The following SMOC2 variants were observed in gnomAD, a reference collection of about 807,000 sequenced individuals.
SMOC2 encodes SPARC-related modular calcium-binding protein 2.
SMOC2 carries 39 observed loss-of-function variants against 61.4 expected under a neutral mutation model. The ratio of observed to expected loss-of-function variants is 0.64; its 90% CI spans 0.49 to 0.83. The LOEUF (loss-of-function observed/expected upper bound fraction) is 0.83, where lower values mean the gene tolerates loss of function less well. Ranked by LOEUF, SMOC2 falls within the 40% of genes least tolerant of loss-of-function variation. SMOC2 has a pLI of 0.00. For synonymous variants in SMOC2, 247 were observed against 239.9 expected (o/e 1.03, Z -0.27); for missense variants, 556 against 592.9 (o/e 0.94, Z 0.65).
intron 1 of SMOC2, among the ~76,000 whole-genome samples, chr6:168,471,219 C>T (rs904138596): frequency 1.9e-4 from 29 of 152,156 alleles, no homozygotes; most frequent in African/African-American, 6.5e-4. Flanking sequence ...CCGTTTATCT[C>T]AGCCCAGCCC....
rs1029576998 is a variant in SMOC2, at chr6:168,475,412, G to A, written c.84+33958G>A. ...AGGCACAGGTGGAAACACGTGGTGC[G>A]TACAACCTTGCTCAATCCCTCCCCC... On this transcript the variant is annotated intron_variant, in intron 1 of 12. Coordinates refer to ENST00000356284, the MANE Select transcript of SMOC2 (RefSeq NM_001166412.2). The surrounding 1 kb of genome is among the most constrained non-coding windows in gnomAD (Gnocchi z 4.6). Among the ~76,000 whole-genome samples, 1 of 152,122 alleles carries A rather than the reference G, an allele frequency of 6.6e-6. No individual in the cohort carries two copies. The highest frequency in any genetic ancestry group is 1.5e-5 in the Non-Finnish European group (1 of 68,008).
At chr6:168,641,809 A>C (rs920201475) in intron 9 of SMOC2, among the ~76,000 whole-genome samples, 1 of 152,200 alleles carries the variant, frequency 6.6e-6, no homozygotes, top group South Asian at 2.1e-4. Flanking sequence ...CTGACTTCTA[A>C]CCAAGTGCCC....
At chr6:168,615,283 T>G (rs4994214) in intron 9 of SMOC2, among the ~76,000 whole-genome samples, 3 of 19,126 alleles carry the variant, frequency 1.6e-4, no homozygotes, top group Admixed American at 5.5e-4. Context: ...ACAGCCAGCA[T>G]GGGGCCTCTT....
At position 168,549,150 on chromosome 6, in the gene SMOC2, C is replaced by A; in HGVS notation, c.584C>A (p.Thr195Asn). Reference protein sequence around the residue: ...DEEDIASRYPTLWTEQVKSRQ... With the variant: ...DEEDIASRYPNLWTEQVKSRQ... ...ATAGATATTGCATCACGTTACCCTA[C>A]CCTTTGGACTGAACAGGTTAAAAGT... is the stretch of plus-strand genomic sequence containing the variant. Residue 195 changes from threonine (T) to asparagine (N), a missense_variant, in exon 7 of 13, where the codon ACC becomes AAC. Transcript: ENST00000356284. 2 of 1,614,098 alleles carry A rather than the reference C, an allele frequency of 1.2e-6. No individual in the cohort carries two copies. Among genetic ancestry groups the A allele is most frequent in the East Asian group, 4.5e-5 (2 of 44,882 alleles).
chr6:168,476,536 A>G (rs796184450), intron 1 of SMOC2, among the ~76,000 whole-genome samples: 14 of 151,822 alleles, frequency 9.2e-5, no homozygotes, highest in South Asian at 2.1e-4. Flanking sequence ...GTCATATTCT[A>G]TATTTGTATT....
At chr6:168,571,298 C>T (rs1784659005) in intron 7 of SMOC2, among the ~76,000 whole-genome samples, 1 of 152,212 alleles carries the variant, frequency 6.6e-6, no homozygotes, top group Non-Finnish European at 1.5e-5. Context: ...CCTGTGGAAA[C>T]ACCGGTGGGT....
At chr6:168,506,388 A>G (rs1782871642) in intron 1 of SMOC2, among the ~76,000 whole-genome samples, 1 of 152,188 alleles carries the variant, frequency 6.6e-6, no homozygotes, top group Non-Finnish European at 1.5e-5. Flanking sequence ...ACATTTCCTT[A>G]ATGTCTTCTT....
intron 9 of SMOC2, among the ~76,000 whole-genome samples, chr6:168,611,972 G>C (rs1480688142): frequency 6.6e-6 from 1 of 152,204 alleles, no homozygotes; most frequent in Non-Finnish European, 1.5e-5. Context: ...CAGGGTCCCT[G>C]GGGAGGTGGA....
chr6:168,645,148 G>C (rs568324463), intron 9 of SMOC2, among the ~76,000 whole-genome samples: 1 of 152,142 alleles, frequency 6.6e-6, no homozygotes, highest in Non-Finnish European at 1.5e-5. Flanking sequence ...AATTCTCAGC[G>C]CCTTTCTTAC....
chr6:168,659,521 G>C (rs12207119), intron 11 of SMOC2, among the ~76,000 whole-genome samples: 1 of 83,146 alleles, frequency 1.2e-5, no homozygotes. Context: ...GAGGTTGTAG[G>C]TTGGGTGAGG....
At chr6:168,464,781 G>A (rs746008037) in intron 1 of SMOC2, among the ~76,000 whole-genome samples, 59 of 152,292 alleles carry the variant, frequency 3.9e-4, no homozygotes, top group Non-Finnish European at 6.0e-4. Context: ...TCATTCTGCC[G>A]TCATAGAACA....
chr6:168,499,034 C>A (rs866090660), intron 1 of SMOC2, among the ~76,000 whole-genome samples: 1 of 96,718 alleles, frequency 1.0e-5, no homozygotes, highest in East Asian at 3.7e-4. Flanking sequence ...GCCCTACGAG[C>A]CACAGTCTCT....
chr6:168,641,688 C>T (rs1786894463), intron 9 of SMOC2, among the ~76,000 whole-genome samples: 1 of 152,224 alleles, frequency 6.6e-6, no homozygotes, highest in Admixed American at 6.5e-5. Context: ...TACGGCAGCA[C>T]TCAGTTTAAT....
intron 7 of SMOC2, among the ~76,000 whole-genome samples, chr6:168,575,595 C>T (rs562626754): frequency 8.5e-5 from 13 of 152,242 alleles, no homozygotes; most frequent in Non-Finnish European, 1.3e-4. Context: ...CGGAGCCATG[C>T]GAAGGGTCTG....
chr6:168,629,411 G>T (rs554807729), intron 9 of SMOC2, among the ~76,000 whole-genome samples: 1 of 152,340 alleles, frequency 6.6e-6, no homozygotes, highest in South Asian at 2.1e-4. Context: ...GGCTGTCAAA[G>T]GCTCCAGGTC....
intron 2 of SMOC2, among the ~76,000 whole-genome samples, chr6:168,519,069 GTGTA>G (rs1259970194): frequency 7.2e-4 from 109 of 150,696 alleles, no homozygotes; most frequent in African/African-American, 2.2e-3. Context: ...ATGTGTGTGA[GTGTA>G]TGTATGCGTG....
Position 168,466,671 on chromosome 6 carries a change from C to G in SMOC2, c.84+25217C>G, listed in dbSNP as rs114794214. Reference sequence around the variant, plus strand: ...TGCGCTTTGTCTGGGCTTTCTGCATCTGTCCCAGAGGACGAATTCTTCAAA... The same window carrying G: ...TGCGCTTTGTCTGGGCTTTCTGCATGTGTCCCAGAGGACGAATTCTTCAAA... On this transcript the variant is annotated intron_variant, in intron 1 of 12. Transcript: ENST00000356284. Among the ~76,000 whole-genome samples, 662 of 152,362 alleles carry G rather than the reference C, an allele frequency of 4.3e-3. 3 individuals are homozygous for G. The highest frequency in any genetic ancestry group is 0.015 in the African/African-American group (621 of 41,582).
At chr6:168,640,395 G>A (rs548891556) in intron 9 of SMOC2, among the ~76,000 whole-genome samples, 8 of 152,128 alleles carry the variant, frequency 5.3e-5, no homozygotes, top group South Asian at 2.1e-4. Context: ...CTGCATTCCC[G>A]GGGGCTGCTG....
At chr6:168,607,078 TC>T (rs1785713463) in intron 8 of SMOC2, among the ~76,000 whole-genome samples, 1 of 151,804 alleles carries the variant, frequency 6.6e-6, no homozygotes, top group Admixed American at 6.6e-5. Flanking sequence ...ATCTCCCATC[TC>T]CCGGGAACGC....
Sources: gnomAD v4.1 joint callset for allele counts (sites outside exome capture counted in the v4.1 genomes callset) on GRCh38, gnomAD v4.1.1 for gene constraint, Gnocchi (gnomAD v3.1) non-coding constraint, MANE v1.5 for transcripts, NCBI Gene and HGNC (gene_info 2026-07-23, HGNC 2026-07-21) for gene names.